The following HECTD2 variants were observed in gnomAD, a reference collection of about 807,000 sequenced individuals.
The protein encoded by HECTD2 is probable E3 ubiquitin-protein ligase HECTD2.
A neutral mutation model predicts 103.2 loss-of-function variants in HECTD2; 35 were observed. The ratio of observed to expected loss-of-function variants is 0.34; its 90% CI spans 0.26 to 0.45. HECTD2 has a LOEUF of 0.45. Among genes scored for constraint, HECTD2 ranks in the 20% least tolerant of loss-of-function variants. The pLI is 1.00. For missense variants in HECTD2, 596 were observed against 937.4 expected, an observed-to-expected ratio of 0.64 and a Z score of 4.76; for synonymous variants, 281 against 329.9, an observed-to-expected ratio of 0.85 and a Z score of 1.61.
upstream of HECTD2, among the ~76,000 whole-genome samples, chr10:91,409,857 C>A (rs1289303208): frequency 1.3e-5 from 2 of 152,166 alleles, no homozygotes; most frequent in Non-Finnish European, 2.9e-5. Context: ...CCAGCCCAGA[C>A]CCCGAGGGCG....
intron 1 of HECTD2, among the ~76,000 whole-genome samples, chr10:91,420,722 T>C (rs899021631): frequency 6.6e-4 from 101 of 152,332 alleles, no homozygotes; most frequent in African/African-American, 2.4e-3. Flanking sequence ...TTTTTGTGCC[T>C]CTGCTATTCT....
At position 91,410,498 on chromosome 10, in the gene HECTD2, G is replaced by A; in HGVS notation, c.60G>A (p.Ala20=). The A allele has an allele frequency of 6.8e-7, 1 of 1,471,820 alleles. No individual in the cohort carries two copies. The highest frequency in any genetic ancestry group is 1.3e-5 in the South Asian group (1 of 77,462). The allele number at this position is 1,471,820 out of a possible 1,614,324, so 91.2% of individuals were successfully genotyped here. ...CTCCGCTGGTGGTGGCGGCGCCCGC[G>A]CCTGAGGAGAGGAAAGGGAAGGAGT... ...PATPLVVAAP[A]PEERKGKESE... Residue 20 remains alanine, a synonymous_variant, in exon 1 of 21, where the codon GCG becomes GCA. Coordinates refer to ENST00000298068, the MANE Select transcript of HECTD2 (RefSeq NM_182765.6).
intron 1 of HECTD2, among the ~76,000 whole-genome samples, chr10:91,416,113 A>G (rs1843116978): frequency 6.6e-6 from 1 of 152,170 alleles, no homozygotes; most frequent in African/African-American, 2.4e-5. Context: ...TTAGGACACA[A>G]ATAATTTATA....
chr10:91,412,630 TA>T (rs1215785260), intron 1 of HECTD2, among the ~76,000 whole-genome samples: 97 of 143,384 alleles, frequency 6.8e-4, no homozygotes, highest in Admixed American at 1.8e-3. Context: ...ATTTATTTTT[TA>T]AAAAAAAAAA....
Position 91,492,623 on chromosome 10 carries a change from G to A in HECTD2, c.1432+139G>A, listed in dbSNP as rs752545557. ...AATGTTGAATAATTGTTTAAGGACT[G>A]TTATTTACATTTTAAAAACTTGTTT... On this transcript the variant is annotated intron_variant, in intron 13 of 20. Transcript: ENST00000298068. The A allele has an allele frequency of 5.1e-5, 35 of 679,944 alleles. No individual in the cohort carries two copies. The Admixed American group carries it at 9.9e-4, about 19-fold the overall frequency. 42.1% of individuals were successfully genotyped at this position (679,944 alleles called of 1,614,324 possible). A position where few individuals can be genotyped will look rare whatever the true frequency, so the allele number is the denominator to read the frequency against.
chr10:91,474,440 A>G (rs916909672), intron 5 of HECTD2, among the ~76,000 whole-genome samples: 4 of 152,202 alleles, frequency 2.6e-5, no homozygotes, highest in Non-Finnish European at 5.9e-5. Context: ...CACCTTCTAA[A>G]CCAAAGGAAG....
intron 12 of HECTD2, 95 bp from the exon 13 acceptor site, chr10:91,492,257 G>A (rs1318014202): frequency 7.5e-6 from 9 of 1,193,410 alleles, no homozygotes; most frequent in Non-Finnish European, 9.7e-6. Flanking sequence ...TTGCAAATAA[G>A]TTAAAGACTG....
intron 2 of HECTD2, among the ~76,000 whole-genome samples, chr10:91,453,029 T>TA (rs1283444110): frequency 1.3e-5 from 2 of 152,142 alleles, no homozygotes; most frequent in African/African-American, 4.8e-5. Flanking sequence ...GAAGTATTGA[T>TA]AAATACAATA....
chr10:91,430,761 G>T (rs1396673620), intron 2 of HECTD2, among the ~76,000 whole-genome samples: 1 of 151,878 alleles, frequency 6.6e-6, no homozygotes, highest in Admixed American at 6.6e-5. Flanking sequence ...TTTATTTTGA[G>T]CCCATGTCTG....
chr10:91,428,491 G>C (rs1257223542), intron 2 of HECTD2, among the ~76,000 whole-genome samples: 2 of 152,050 alleles, frequency 1.3e-5, no homozygotes, highest in Admixed American at 6.6e-5. Context: ...TCACAATATT[G>C]ATTCTTCCTA....
Position 91,485,197 on chromosome 10 carries a change from G to C in HECTD2, c.988G>C (p.Val330Leu). Reference sequence around the variant, plus strand: ...CTTTACAGATACTGCAAACAATTTAGTTCACCCTCCCCTTATTCCTTATAC... The same window carrying C: ...CTTTACAGATACTGCAAACAATTTACTTCACCCTCCCCTTATTCCTTATAC... The part of the protein sequence containing the change: ...LALLNTANNL[V>L]HPPLIPYTDF... The change falls in exon 10 of 21, where the codon GTT becomes CTT. Residue 330 changes from valine (V) to leucine (L), a missense_variant. This residue lies in a region of HECTD2 where 303 missense variants were observed against 522.5 expected (regional missense o/e 0.58). Coordinates refer to ENST00000298068, the MANE Select transcript of HECTD2 (RefSeq NM_182765.6). The C allele has an allele frequency of 6.4e-7, 1 of 1,556,856 alleles. No individual in the cohort carries two copies. Among genetic ancestry groups the C allele is most frequent in the African/African-American group, 1.4e-5 (1 of 72,324 alleles).
chr10:91,510,851 G>A (rs1409288706), intron 20 of HECTD2, among the ~76,000 whole-genome samples: 2 of 152,120 alleles, frequency 1.3e-5, no homozygotes, highest in East Asian at 1.9e-4. Flanking sequence ...GGTTTTTTAA[G>A]TCAGACTGAT....
intron 2 of HECTD2, among the ~76,000 whole-genome samples, chr10:91,426,609 G>A (rs1366700731): frequency 1.3e-5 from 2 of 151,084 alleles, no homozygotes; most frequent in East Asian, 3.9e-4. Context: ...CCTCCGTCAC[G>A]CCAATATTGC....
At chr10:91,498,538 C>T (rs1478701897) in intron 16 of HECTD2, among the ~76,000 whole-genome samples, 1 of 152,162 alleles carries the variant, frequency 6.6e-6, no homozygotes, top group Non-Finnish European at 1.5e-5. Flanking sequence ...CTGATTTCCA[C>T]TCCTTTTACA....
At chr10:91,498,023 T>C in intron 15 of HECTD2, 85 bp from the exon 16 acceptor site, 1 of 821,904 alleles carries the variant, frequency 1.2e-6, no homozygotes. Flanking sequence ...TTTATATACA[T>C]ATGCATGAGC....
Position 91,460,395 on chromosome 10 carries a change from C to G in HECTD2, c.269-32C>G. ...TATAATTTTGAAAAGTTTAATGATT[C>G]ATTATTTTGAATGTGTTTTTATACT... On this transcript the variant is annotated intron_variant, in intron 2 of 20. Coordinates refer to ENST00000298068, the MANE Select transcript of HECTD2 (RefSeq NM_182765.6). The G allele has an allele frequency of 2.0e-6, 3 of 1,517,088 alleles. No homozygotes were observed. The South Asian group carries it at 3.9e-5, about 20-fold the overall frequency. 94.0% of individuals were successfully genotyped at this position (1,517,088 alleles called of 1,614,324 possible).
chr10:91,435,635 C>T (rs1316295288), intron 2 of HECTD2, among the ~76,000 whole-genome samples: 1 of 151,982 alleles, frequency 6.6e-6, no homozygotes, highest in Non-Finnish European at 1.5e-5. Flanking sequence ...GTCTCTCTAC[C>T]TCTGTCTCTG....
chr10:91,436,121 T>C (rs1273032265), intron 2 of HECTD2, among the ~76,000 whole-genome samples: 3 of 151,940 alleles, frequency 2.0e-5, no homozygotes, highest in Admixed American at 2.0e-4. Flanking sequence ...CCCTGCATGG[T>C]GTCTGATTCT....
chr10:91,475,662 G>C (rs1326151842), intron 5 of HECTD2, among the ~76,000 whole-genome samples: 1 of 152,208 alleles, frequency 6.6e-6, no homozygotes, highest in Non-Finnish European at 1.5e-5. Flanking sequence ...GTAGCTAGAA[G>C]ATGGCCCAAA....
Sources: allele counts gnomAD v4.1 joint callset (sites outside exome capture counted in the v4.1 genomes callset), GRCh38; gene constraint gnomAD v4.1.1; regional missense constraint gnomAD v4.1.1; transcripts MANE v1.5; gene names NCBI Gene and HGNC (gene_info 2026-07-23, HGNC 2026-07-21).